Variants in PCDHA8 observed in about 807,000 individuals in gnomAD.
PCDHA8 encodes protocadherin alpha-8.
PCDHA8 carries 53 observed loss-of-function variants against 61.8 expected under a neutral mutation model. The ratio of observed to expected loss-of-function variants is 0.86; its 90% CI spans 0.69 to 1.08. The LOEUF (loss-of-function observed/expected upper bound fraction) is 1.08. Among genes scored for constraint, PCDHA8 ranks in the 50% least tolerant of loss-of-function variants. PCDHA8 has a pLI of 0.00. For synonymous variants in PCDHA8, 618 were observed against 556.6 expected (o/e 1.11, Z -1.55); for missense variants, 1,293 against 1,245.0 (o/e 1.04, Z -0.58).
chr5:140,920,847 A>G (rs1410435400), intron 1 of PCDHA8, among the ~76,000 whole-genome samples: 1 of 152,028 alleles, frequency 6.6e-6, no homozygotes, highest in Non-Finnish European at 1.5e-5. Flanking sequence ...AATCTAAAAA[A>G]AAAAAAAAAA....
chr5:140,872,667 A>G (rs2053828539), intron 1 of PCDHA8, among the ~76,000 whole-genome samples: 1 of 152,186 alleles, frequency 6.6e-6, no homozygotes, highest in African/African-American at 2.4e-5. Flanking sequence ...CAACTATTGG[A>G]TACTCAAACA....
At chr5:140,978,791 A>G (rs1443899144) in intron 1 of PCDHA8, 158 bp from the exon 2 acceptor site, 1 of 976,042 alleles carries the variant, frequency 1.0e-6, no homozygotes, top group Non-Finnish European at 1.2e-6. Context: ...AAAGTGCTAT[A>G]TATGTAGATA....
At chr5:140,866,376 CA>C (rs2049320172) in intron 1 of PCDHA8, 1 of 152,074 alleles carries the variant, frequency 6.6e-6, no homozygotes, top group South Asian at 2.1e-4. Flanking sequence ...ACTTCAATAA[CA>C]ATTTTAAAGA....
intron 1 of PCDHA8, among the ~76,000 whole-genome samples, chr5:140,972,660 A>ATTTTT (rs11350929): frequency 8.5e-5 from 10 of 117,262 alleles, no homozygotes; most frequent in Non-Finnish European, 1.6e-4. Context: ...AAGAAACCAA[A>ATTTTT]TTTTTTTTTT....
rs1466426021 is a variant in PCDHA8 at position 140,917,334 on chromosome 5, G to C, written c.2395-61615G>C. On this transcript the variant is annotated intron_variant, in intron 1 of 3. Transcript: ENST00000531613. ...TTGGTGTTCATGTGGCGGGGGAGGG[G>C]GGGGATGGTGTAGGCTTCTGTTCCA... Among the ~76,000 whole-genome samples the C allele has an allele frequency of 4.7e-5, 7 of 147,744 alleles. 2 individuals carry two copies. The highest frequency in any genetic ancestry group is 1.4e-4 in the Admixed American group (2 of 14,792).
chr5:140,937,950 T>C (rs1483679576), intron 1 of PCDHA8, among the ~76,000 whole-genome samples: 1 of 152,164 alleles, frequency 6.6e-6, no homozygotes, highest in African/African-American at 2.4e-5. Flanking sequence ...AATTGGCTTT[T>C]GTTGAAAGTA....
intron 1 of PCDHA8, chr5:140,967,752 C>T: frequency 1.2e-6 from 2 of 1,614,194 alleles, no homozygotes; most frequent in Middle Eastern, 1.6e-4. Context: ...GAGGAAGCCT[C>T]CTCCTACCAG....
rs1299699078 is a variant in PCDHA8 at position 140,843,118 on chromosome 5, C to G, written c.1797C>G (p.Ala599=). 1.7e-5 allele frequency: 27 copies of G among 1,595,720 alleles called. 3 individuals carry two copies. Among genetic ancestry groups the G allele is most frequent in the African/African-American group, 4.0e-5 (3 of 74,428 alleles). The stretch of plus-strand genomic sequence containing the variant: ...TAGCGAAGGTGCGCGCAGTGGACGC[C>G]GACTCGGGCTACAACGCGTGGCTTT... ...HVVAKVRAVD[A]DSGYNAWLSY... Residue 599 remains alanine, a synonymous_variant, in exon 1 of 4, where the codon GCC becomes GCG. Transcript: ENST00000531613.
chr5:140,875,443 G>A, intron 1 of PCDHA8: 1 of 1,580,070 alleles, frequency 6.3e-7, no homozygotes. Flanking sequence ...AAAACTGATT[G>A]TCCCAACTCA....
chr5:140,927,601 G>C lies in PCDHA8; in HGVS notation c.2395-51348G>C, dbSNP rs1490799029. 27 of 1,614,082 alleles carry C rather than the reference G, an allele frequency of 1.7e-5. No individual in the cohort carries two copies. Among genetic ancestry groups the C allele is most frequent in the Non-Finnish European group, 2.3e-5 (27 of 1,180,040 alleles). Reference sequence around the variant, plus strand: ...CAACGCGCCTGTATTTGAGCGCTCCGTATACCGCACCAAGGTTCCAGAGAC... The same window carrying C: ...CAACGCGCCTGTATTTGAGCGCTCCCTATACCGCACCAAGGTTCCAGAGAC... On this transcript the variant is annotated intron_variant, in intron 1 of 3. Transcript: ENST00000531613.
chr5:140,910,346 G>C (rs2074987326), intron 1 of PCDHA8, among the ~76,000 whole-genome samples: 1 of 152,152 alleles, frequency 6.6e-6, no homozygotes, highest in Admixed American at 6.5e-5. Flanking sequence ...CTTTGCCTCT[G>C]CTGTCCATTA....
At position 141,011,912 on chromosome 5, in the gene PCDHA8, T is replaced by C. The variant is rs573561005; in HGVS notation, c.*1975T>C. ...ATTATATTATCTATTTAGGCATTAA[T>C]ATAAAAGAGGTAGGAGTCTGTTATT... On this transcript the variant is annotated 3_prime_UTR_variant, in exon 4 of 4. Coordinates refer to ENST00000531613, the MANE Select transcript of PCDHA8 (RefSeq NM_018911.3). 4 of 153,808 alleles carry C rather than the reference T, an allele frequency of 2.6e-5. No individual in the cohort carries two copies. In the South Asian group the frequency reaches 8.3e-4, roughly 32 times the overall value. 9.5% of individuals were successfully genotyped at this position (153,808 alleles called of 1,614,324 possible).
intron 1 of PCDHA8, among the ~76,000 whole-genome samples, chr5:140,902,351 A>C (rs1554190404): frequency 1.3e-5 from 2 of 151,346 alleles, no homozygotes; most frequent in African/African-American, 4.9e-5. Context: ...GAAGCCCTTT[A>C]TTTCTTTCTC....
intron 1 of PCDHA8, chr5:140,857,704 G>A: frequency 6.3e-7 from 1 of 1,597,424 alleles, no homozygotes; most frequent in Non-Finnish European, 8.6e-7. Flanking sequence ...CGCTGCAGGT[G>A]TTCGTGCTGG....
intron 3 of PCDHA8, among the ~76,000 whole-genome samples, chr5:141,004,385 G>C (rs1388217607): frequency 6.6e-6 from 1 of 152,192 alleles, no homozygotes; most frequent in Non-Finnish European, 1.5e-5. Flanking sequence ...TGCGGAAGCT[G>C]GACATGTGGA....
chr5:140,895,874 C>T (rs1051774060), intron 1 of PCDHA8, among the ~76,000 whole-genome samples: 5 of 152,120 alleles, frequency 3.3e-5, no homozygotes, highest in Admixed American at 2.6e-4. Context: ...TGCAATGGCG[C>T]GATCTCGGCT....
intron 1 of PCDHA8, among the ~76,000 whole-genome samples, chr5:140,891,039 A>AC (rs143686625): frequency 6.6e-6 from 1 of 152,040 alleles, no homozygotes; most frequent in East Asian, 1.9e-4. Flanking sequence ...CTTAGGTGTG[A>AC]CCCCCACAGC....
At chr5:140,936,367 A>C (rs1347774517) in intron 1 of PCDHA8, among the ~76,000 whole-genome samples, 2 of 152,230 alleles carry the variant, frequency 1.3e-5, no homozygotes, top group East Asian at 1.9e-4. Flanking sequence ...GCTACTGAGC[A>C]CTTGAAATGT....
intron 1 of PCDHA8, among the ~76,000 whole-genome samples, chr5:140,938,620 C>G (rs571731816): frequency 1.3e-5 from 2 of 152,172 alleles, no homozygotes; most frequent in African/African-American, 4.8e-5. Context: ...GGAATAAACT[C>G]AGGTTGCTTA....
Sources: allele counts gnomAD v4.1 joint callset (sites outside exome capture counted in the v4.1 genomes callset), GRCh38; gene constraint gnomAD v4.1.1; transcripts MANE v1.5; gene names NCBI Gene and HGNC (gene_info 2026-07-23, HGNC 2026-07-21).